The following EPS15L1 variants were observed in gnomAD, a reference collection of about 807,000 sequenced individuals.
The protein encoded by EPS15L1 is epidermal growth factor receptor pathway substrate 15 like 1.
Under a neutral mutation model 117.1 loss-of-function variants are expected in EPS15L1, and 43 were observed. The ratio of observed to expected loss-of-function variants is 0.37; its 90% CI spans 0.29 to 0.47. EPS15L1 has a LOEUF of 0.47. EPS15L1 is among the 20% of genes least tolerant of loss of function. EPS15L1 has a pLI of 0.99. For missense variants in EPS15L1, 981 were observed against 1,164.0 expected, an observed-to-expected ratio of 0.84 and a Z score of 2.29; for synonymous variants, 459 against 470.5, an observed-to-expected ratio of 0.98 and a Z score of 0.32.
At chr19:16,468,996 G>A (rs1407205007) in intron 1 of EPS15L1, among the ~76,000 whole-genome samples, 2 of 152,138 alleles carry the variant, frequency 1.3e-5, no homozygotes, top group Non-Finnish European at 2.9e-5. Flanking sequence ...CTCCAGCCTG[G>A]GGGACAGAGC....
intron 18 of EPS15L1, 104 bp from the exon 19 acceptor site, chr19:16,392,544 A>C: frequency 1.7e-6 from 2 of 1,166,860 alleles, no homozygotes; most frequent in Non-Finnish European, 2.5e-6. Flanking sequence ...AATTCTAGAA[A>C]GGTAAGAACG....
intron 9 of EPS15L1, 86 bp from the exon 10 acceptor site, chr19:16,421,562 C>T (rs1390211938): frequency 1.5e-5 from 20 of 1,350,684 alleles, no homozygotes; most frequent in Non-Finnish European, 2.1e-5. Flanking sequence ...GCGATTAAAG[C>T]ACTTCCATGC....
Position 16,404,169 on chromosome 19 carries a change from GA to G in EPS15L1, c.1429-240del, listed in dbSNP as rs1243419137. Among the ~76,000 whole-genome samples the G allele has an allele frequency of 6.6e-6, 1 of 152,174 alleles. No individual in the cohort carries two copies. Among genetic ancestry groups the G allele is most frequent in the Non-Finnish European group, 1.5e-5 (1 of 68,034 alleles). On this transcript the variant is annotated intron_variant, in intron 14 of 23. Coordinates refer to ENST00000455140, the MANE Select transcript of EPS15L1 (RefSeq NM_001258374.3). This position sits in a 1 kb window ranked among gnomAD's most constrained non-coding sequence, Gnocchi z 4.2. ...TAACGGAAGATCACTTTGGAATAAT[GA>G]GGGGCATGACCAAGCACGAACAATC...
intron 13 of EPS15L1, among the ~76,000 whole-genome samples, chr19:16,407,811 T>C (rs984518546): frequency 6.6e-6 from 1 of 152,176 alleles, no homozygotes; most frequent in Non-Finnish European, 1.5e-5. Context: ...AAAAATGTCA[T>C]TGCTCCGTCA....
chr19:16,441,099 C>A (rs1250085577), intron 3 of EPS15L1, 190 bp from the exon 4 acceptor site: 3 of 644,262 alleles, frequency 4.7e-6, no homozygotes, highest in South Asian at 1.7e-5. Context: ...AGCCAGTCAG[C>A]GGCAGGGCCC....
At chr19:16,362,154 C>T (rs1230325488) in intron 22 of EPS15L1, among the ~76,000 whole-genome samples, 170 bp from the exon 23 acceptor site, 1 of 152,154 alleles carries the variant, frequency 6.6e-6, no homozygotes, top group Non-Finnish European at 1.5e-5. Context: ...TTTTAATCAG[C>T]TTTATCCCAG....
chr19:16,361,797 G>T lies in EPS15L1; in HGVS notation c.2568C>A (p.Gly856=), dbSNP rs1296499456. Residue 856 remains glycine (G), a synonymous_variant, in exon 23 of 24, where the codon GGC becomes GGA. Transcript: ENST00000455140. ...AACTTACAGAGGTGAAGTCTGCAAA[G>T]CCCGAGGCAGAGGCCTTAGAAGGTT... ...AAKPSKASAS[G]FADFTSFGNE... The T allele has an allele frequency of 6.2e-7, 1 of 1,613,684 alleles. No individual in the cohort carries two copies. Among genetic ancestry groups the T allele is most frequent in the East Asian group, 2.2e-5 (1 of 44,876 alleles).
intron 21 of EPS15L1, among the ~76,000 whole-genome samples, chr19:16,382,117 G>A (rs1471035393): frequency 6.6e-6 from 1 of 152,122 alleles, no homozygotes. Context: ...GGGACACCTC[G>A]GGCCAAGCCG....
intron 1 of EPS15L1, among the ~76,000 whole-genome samples, 188 bp from the exon 2 acceptor site, chr19:16,442,407 T>C (rs916384180): frequency 3.3e-5 from 5 of 152,234 alleles, no homozygotes; most frequent in South Asian, 2.1e-4. Flanking sequence ...TATGCTTACC[T>C]GATTTAGAAA....
chr19:16,429,310 G>A (rs1243242703), intron 7 of EPS15L1, among the ~76,000 whole-genome samples: 2 of 152,254 alleles, frequency 1.3e-5, no homozygotes, highest in South Asian at 2.1e-4. Flanking sequence ...CCTAAGACAC[G>A]TGCAGATCTC....
chr19:16,439,707 A>G (rs940407377), intron 4 of EPS15L1, among the ~76,000 whole-genome samples: 1 of 151,708 alleles, frequency 6.6e-6, no homozygotes, highest in Non-Finnish European at 1.5e-5. Flanking sequence ...ATAAAAAAAC[A>G]AAACAACAAA....
intron 22 of EPS15L1, among the ~76,000 whole-genome samples, chr19:16,375,466 ATGTGTGTGTG>A (rs3082716): frequency 2.7e-5 from 4 of 149,306 alleles, no homozygotes; most frequent in African/African-American, 7.4e-5. Context: ...TTATGCATAT[ATGTGTGTGTG>A]TGTGTGTGTG....
chr19:16,412,719 G>A (rs1392563338), intron 13 of EPS15L1: 1 of 158,660 alleles, frequency 6.3e-6, no homozygotes, highest in Non-Finnish European at 1.2e-5. Context: ...GGGGTGGGGG[G>A]GGGGGGGGTG....
At chr19:16,400,925 A>T in intron 16 of EPS15L1, 1 of 985,464 alleles carries the variant, frequency 1.0e-6, no homozygotes, top group Middle Eastern at 5.2e-4. Flanking sequence ...CTGTTCCCTG[A>T]ACGAAGACTG....
intron 1 of EPS15L1, among the ~76,000 whole-genome samples, chr19:16,443,216 T>A (rs2093049496): frequency 6.6e-6 from 1 of 152,134 alleles, no homozygotes. Flanking sequence ...AGAATAGAAC[T>A]GGGCAGGGAA....
At chr19:16,376,524 G>C (rs1186688121) in intron 22 of EPS15L1, among the ~76,000 whole-genome samples, 1 of 152,200 alleles carries the variant, frequency 6.6e-6, no homozygotes, top group African/African-American at 2.4e-5. Context: ...TCAGAGCTGT[G>C]CGTTGAGATG....
intron 12 of EPS15L1, among the ~76,000 whole-genome samples, chr19:16,416,753 T>A (rs2092761714): frequency 6.6e-6 from 1 of 151,910 alleles, no homozygotes; most frequent in Non-Finnish European, 1.5e-5. Context: ...TGAGCCATGA[T>A]CACACCACTA....
At chr19:16,412,418 T>C (rs925592700) in intron 13 of EPS15L1, among the ~76,000 whole-genome samples, 3 of 151,860 alleles carry the variant, frequency 2.0e-5, no homozygotes, top group African/African-American at 7.3e-5. Flanking sequence ...GGGAATCGCT[T>C]GAACCCAGGA....
intron 13 of EPS15L1, chr19:16,412,953 C>T: frequency 1.5e-6 from 1 of 665,930 alleles, no homozygotes; most frequent in East Asian, 3.0e-5. Flanking sequence ...TCTTCTCCCG[C>T]CCATCAAGGA....
Sources: gnomAD v4.1 joint callset for allele counts (sites outside exome capture counted in the v4.1 genomes callset) on GRCh38, gnomAD v4.1.1 for gene constraint, Gnocchi (gnomAD v3.1) non-coding constraint, MANE v1.5 for transcripts, NCBI Gene and HGNC (gene_info 2026-07-23, HGNC 2026-07-21) for gene names.